The following ZFHX2 variants were observed in gnomAD, a reference collection of about 807,000 sequenced individuals.
ZFHX2 encodes the protein zinc finger homeobox protein 2.
ZFHX2 carries 75 observed loss-of-function variants against 164.8 expected under a neutral mutation model. That is an observed-to-expected ratio of 0.46 (90% CI 0.38 to 0.55). The LOEUF is 0.55. Among genes scored for constraint, ZFHX2 ranks in the 20% least tolerant of loss-of-function variants. The pLI is 0.00. For synonymous variants in ZFHX2, 1,217 were observed against 1,351.4 expected (o/e 0.90, Z 2.18); for missense variants, 2,933 against 3,308.0 (o/e 0.89, Z 2.78).
upstream of ZFHX2, among the ~76,000 whole-genome samples, chr14:23,551,889 G>C (rs906129474): frequency 6.6e-6 from 1 of 152,186 alleles, no homozygotes; most frequent in Non-Finnish European, 1.5e-5. The surrounding 1 kb of genome is among the most constrained non-coding windows in gnomAD (Gnocchi z 5.3). Context: ...CCCAGGGCCG[G>C]GGGCAGGCCG....
intron 1 of ZFHX2, among the ~76,000 whole-genome samples, chr14:23,536,657 G>T (rs1191863289): frequency 6.6e-6 from 1 of 152,118 alleles, no homozygotes; most frequent in Non-Finnish European, 1.5e-5. Flanking sequence ...TTATTTTATG[G>T]ATGGGGCATC....
At position 23,534,370 on chromosome 14, in the gene ZFHX2, G is replaced by A. The variant is rs1397875610; in HGVS notation, c.956C>T (p.Ala319Val). ...CTCAGGGGGGCCATCCTCTGTCTGGGCCACATTCGCCTCCATGTTCACTGT... is the reference window on the plus strand; with the variant it reads ...CTCAGGGGGGCCATCCTCTGTCTGGACCACATTCGCCTCCATGTTCACTGT... ...SSTVNMEANV[A>V]QTEDGPPEAE... is the part of the protein sequence containing the mutation. The change falls in exon 2 of 10, where the codon GCC (alanine) becomes GTC (valine). Residue 319 changes from alanine (A) to valine (V), a missense_variant. Coordinates refer to ENST00000419474, the MANE Select transcript of ZFHX2 (RefSeq NM_033400.3). This position sits in a 1 kb window ranked among gnomAD's most constrained non-coding sequence, Gnocchi z 4.5. The A allele has an allele frequency of 3.9e-6, 6 of 1,536,662 alleles. No individual in the cohort carries two copies. The highest frequency in any genetic ancestry group is 4.4e-6 in the Non-Finnish European group (5 of 1,147,040).
Position 23,523,537 on chromosome 14 carries a change from GC to G in ZFHX2, c.6404del (p.Gly2135AlafsTer7), listed in dbSNP as rs1011901357. 6.5e-7 allele frequency: 1 copy of G among 1,536,636 alleles called. No individual in the cohort carries two copies. Among genetic ancestry groups the G allele is most frequent in the Non-Finnish European group, 8.7e-7 (1 of 1,146,924 alleles). ...GGGCTGCTAAGAGGCCCTCACTGCT[GC>G]CCCCAGTGCTCCCAGCGGCTGTCCC... ...LQGTAAGSTG[G>X]SSEGLLAAQR... On this transcript the variant is annotated frameshift_variant, in exon 9 of 10. Transcript: ENST00000419474. LOFTEE classifies it high-confidence loss of function. The surrounding 1 kb of genome is among the most constrained non-coding windows in gnomAD (Gnocchi z 4.1).
rs781082212 is a variant in ZFHX2 at position 23,523,745 on chromosome 14, C to T, written c.6197G>A (p.Arg2066Gln). Reference sequence around the variant, plus strand: ...GCTGCTCATCTGGGTCCTGTAGCGCCGCTGCCCCATTCCATCTGGAACCCC... The same window carrying T: ...GCTGCTCATCTGGGTCCTGTAGCGCTGCTGCCCCATTCCATCTGGAACCCC... ...GTGVPDGMGQ[R>Q]RYRTQMSSLQ... The change falls in exon 9 of 10, where the codon CGG becomes CAG. Residue 2066 changes from arginine (R) to glutamine (Q), a missense_variant. Arg to Gln is a conservative substitution (Grantham distance 43, BLOSUM62 1). Transcript: ENST00000419474. This position sits in a 1 kb window ranked among gnomAD's most constrained non-coding sequence, Gnocchi z 4.1. The T allele has an allele frequency of 1.0e-5, 16 of 1,536,152 alleles. No individual in the cohort carries two copies. Among genetic ancestry groups the T allele is most frequent in the African/African-American group, 6.8e-5 (5 of 73,032 alleles).
rs1165833127 is a variant in ZFHX2, at chr14:23,524,256, G to A, written c.5686C>T (p.Leu1896Phe). ...CAGACCTGTACCACTCGCTTTTTGA[G>A]CCCCACCTCCTCGGAGATGCAGTCG... is the stretch of plus-strand genomic sequence containing the variant. ...MLDCISEEVG[L>F]KKRVVQVWFQ... Residue 1896 changes from leucine (L) to phenylalanine (F), a missense_variant, in exon 9 of 10, where the codon CTC (leucine) becomes TTC (phenylalanine). Leu to Phe is a conservative substitution (Grantham distance 22, BLOSUM62 0). Coordinates refer to ENST00000419474, the MANE Select transcript of ZFHX2 (RefSeq NM_033400.3). This position sits in a 1 kb window ranked among gnomAD's most constrained non-coding sequence, Gnocchi z 5.6. 6.5e-7 allele frequency: 1 copy of A among 1,536,374 alleles called. No individual in the cohort carries two copies.
intron 1 of ZFHX2, among the ~76,000 whole-genome samples, chr14:23,536,439 C>G (rs1880150076): frequency 6.6e-6 from 1 of 152,206 alleles, no homozygotes; most frequent in Non-Finnish European, 1.5e-5. Context: ...AGATCCATCT[C>G]TGGTCACAGC....
chr14:23,525,058 G>C lies in ZFHX2; in HGVS notation c.4884C>G (p.Leu1628=). Residue 1628 remains leucine (L), a synonymous_variant, in exon 9 of 10, where the codon CTC becomes CTG. Transcript: ENST00000419474. This position sits in a 1 kb window ranked among gnomAD's most constrained non-coding sequence, Gnocchi z 5.9. The part of the protein sequence containing the change: ...AYPKDGEVER[L]ASLLGLASRV... ...GGCTAGCCAGACCCAACAGACTTGC[G>C]AGTCGCTCCACCTCTCCGTCTTTGG... The C allele has an allele frequency of 1.3e-6, 2 of 1,536,142 alleles. No individual in the cohort carries two copies. The highest frequency in any genetic ancestry group is 8.7e-7 in the Non-Finnish European group (1 of 1,146,906).
At chr14:23,542,525 T>C (rs1341784407) in intron 1 of ZFHX2, among the ~76,000 whole-genome samples, 1 of 152,172 alleles carries the variant, frequency 6.6e-6, no homozygotes, top group African/African-American at 2.4e-5. Context: ...CACAGATCTA[T>C]GTGATTTTAT....
chr14:23,521,850 A>G lies in ZFHX2; in HGVS notation c.*112T>C. 1.4e-6 allele frequency: 2 copies of G among 1,474,224 alleles called. No individual in the cohort carries two copies. The highest frequency in any genetic ancestry group is 1.8e-6 in the Non-Finnish European group (2 of 1,118,394). 91.3% of individuals were successfully genotyped at this position (1,474,224 alleles called of 1,614,324 possible). ...GGGTGGGAACTGAACAGTTCCTGTG[A>G]GGTGGGCGGGGCCAGGGGGTGGGGT... On this transcript the variant is annotated 3_prime_UTR_variant, in exon 10 of 10. Coordinates refer to ENST00000419474, the MANE Select transcript of ZFHX2 (RefSeq NM_033400.3).
At chr14:23,552,307 T>C (rs1882031082), upstream of ZFHX2, among the ~76,000 whole-genome samples, 1 of 151,304 alleles carries the variant, frequency 6.6e-6, no homozygotes, top group South Asian at 2.1e-4. Flanking sequence ...TTTTTTTTTT[T>C]TCTGGAGACG....
chr14:23,529,165 CAG>C (rs1879189354), intron 6 of ZFHX2, among the ~76,000 whole-genome samples: 1 of 152,226 alleles, frequency 6.6e-6, no homozygotes, highest in South Asian at 2.1e-4. Context: ...CCTCAGAACA[CAG>C]AGCTGCCATT....
chr14:23,539,287 A>G (rs1278950477), intron 1 of ZFHX2, among the ~76,000 whole-genome samples: 1 of 152,226 alleles, frequency 6.6e-6, no homozygotes, highest in Non-Finnish European at 1.5e-5. Flanking sequence ...GAAGGATGGA[A>G]GTGCTACTTT....
At position 23,534,132 on chromosome 14, in the gene ZFHX2, C is replaced by A. The variant is rs764845259; in HGVS notation, c.1194G>T (p.Glu398Asp). 23 of 1,478,748 alleles carry A rather than the reference C, an allele frequency of 1.6e-5. 1 individual carries two copies. The South Asian group carries it at 3.0e-4, about 19-fold the overall frequency. The allele number at this position is 1,478,748 out of a possible 1,614,324, so 91.6% of individuals were successfully genotyped here. A position where few individuals can be genotyped will look rare whatever the true frequency, so the allele number is the denominator to read the frequency against. ...PLNQSSPTSK[E>D]GGTLPAPVGS... ...CCACTGGGGCAGGGAGAGTGCCCCC[C>A]TCCTTGGAGGTGGGTGAGCTTTGGT... Residue 398 changes from glutamate to aspartate, a missense_variant, in exon 2 of 10, where the codon GAG becomes GAT. Glu to Asp is a conservative substitution (Grantham distance 45). Transcript: ENST00000419474. This position sits in a 1 kb window ranked among gnomAD's most constrained non-coding sequence, Gnocchi z 4.5.
Position 23,534,641 on chromosome 14 carries a change from C to G in ZFHX2, c.685G>C (p.Gly229Arg), listed in dbSNP as rs528596603. ...DPKDGPMGNS[G>R]GNHVAVFWLC... ...CAGAAGACCGCCACGTGGTTGCCCC[C>G]GCTGTTCCCCATGGGGCCATCTTTG... The change falls in exon 2 of 10, where the codon GGG becomes CGG. Residue 229 changes from glycine to arginine, a missense_variant. Coordinates refer to ENST00000419474, the MANE Select transcript of ZFHX2 (RefSeq NM_033400.3). This position sits in a 1 kb window ranked among gnomAD's most constrained non-coding sequence, Gnocchi z 4.5. 1.1e-4 allele frequency: 166 copies of G among 1,536,168 alleles called. 1 individual carries two copies. The South Asian group carries it at 1.8e-3, about 17-fold the overall frequency.
chr14:23,548,686 A>T (rs1278851926), intron 1 of ZFHX2, among the ~76,000 whole-genome samples: 1 of 151,986 alleles, frequency 6.6e-6, no homozygotes, highest in Non-Finnish European at 1.5e-5. Context: ...GGGGGTAGTG[A>T]GTGATTAGGC....
In ZFHX2 at chr14:23,531,530, T is replaced by C; in HGVS notation, c.2751A>G (p.Ala917=). ...TGAAGCTCAGGATGCTCTGAAGAGC[T>C]GCGAGTCCTTCCTCAGTGGTTGGGC... ...QNGPTTEEGL[A]ALQSILSFSH... is the part of the protein sequence containing the mutation. The change falls in exon 4 of 10, where the codon GCA becomes GCG. Residue 917 remains alanine (A), a synonymous_variant. Transcript: ENST00000419474. 2 of 1,508,948 alleles carry C rather than the reference T, an allele frequency of 1.3e-6. No homozygotes were observed. The highest frequency in any genetic ancestry group is 1.8e-6 in the Non-Finnish European group (2 of 1,130,374). 93.5% of individuals were successfully genotyped at this position (1,508,948 alleles called of 1,614,324 possible). A position where few individuals can be genotyped will look rare whatever the true frequency, so the allele number is the denominator to read the frequency against.
chr14:23,531,926 G>A (rs545996235), intron 3 of ZFHX2: 50 of 558,136 alleles, frequency 9.0e-5, no homozygotes, highest in African/African-American at 2.3e-4. Flanking sequence ...ACAGGCATGC[G>A]CACCACACCT....
Position 23,533,143 on chromosome 14 carries a change from A to G in ZFHX2, c.2042-59T>C. 2.7e-6 allele frequency: 4 copies of G among 1,463,878 alleles called. No homozygotes were observed. Among genetic ancestry groups the G allele is most frequent in the Non-Finnish European group, 3.6e-6 (4 of 1,110,298 alleles). 90.7% of individuals were successfully genotyped at this position (1,463,878 alleles called of 1,614,324 possible). A position where few individuals can be genotyped will look rare whatever the true frequency, so the allele number is the denominator to read the frequency against. Reference sequence around the variant, plus strand: ...AGAAATGGGGCACGGTTGGTTCTCTATGTGGGGAGGTGGGTTAATGAGTAG... The same window carrying G: ...AGAAATGGGGCACGGTTGGTTCTCTGTGTGGGGAGGTGGGTTAATGAGTAG... On this transcript the variant is annotated intron_variant, in intron 2 of 9. Coordinates refer to ENST00000419474, the MANE Select transcript of ZFHX2 (RefSeq NM_033400.3). The surrounding 1 kb of genome is among the most constrained non-coding windows in gnomAD (Gnocchi z 4.8).
In ZFHX2 at chr14:23,533,501, G is replaced by T; in HGVS notation, c.1825C>A (p.Pro609Thr). Residue 609 changes from proline (P) to threonine (T), a missense_variant, in exon 2 of 10, where the codon CCA becomes ACA. Transcript: ENST00000419474. The surrounding 1 kb of genome is among the most constrained non-coding windows in gnomAD (Gnocchi z 4.8). ...GGGCCTGGCCCCATCAATCCAGGTG[G>T]CAGGCCCAGCGGCAGCCCCTGGTGC... ...MLHQGLPLGL[P>T]PGLMGPGPPP... 1 of 1,536,088 alleles carries T rather than the reference G, an allele frequency of 6.5e-7. No individual in the cohort carries two copies. Among genetic ancestry groups the T allele is most frequent in the South Asian group, 1.2e-5 (1 of 84,064 alleles).
Sources: allele counts gnomAD v4.1 joint callset (sites outside exome capture counted in the v4.1 genomes callset), GRCh38; gene constraint gnomAD v4.1.1; non-coding constraint Gnocchi (gnomAD v3.1); transcripts MANE v1.5; gene names NCBI Gene and HGNC (gene_info 2026-07-23, HGNC 2026-07-21).